KRT10: variants seen among roughly 807,000 people sequenced by gnomAD.
KRT10 encodes the protein keratin, type I cytoskeletal 10.
A neutral mutation model predicts 59.2 loss-of-function variants in KRT10; 40 were observed. The ratio of observed to expected loss-of-function variants is 0.68; its 90% CI spans 0.52 to 0.88. The LOEUF is 0.88. Ranked by LOEUF, KRT10 falls within the 40% of genes least tolerant of loss-of-function variation. The pLI is 0.00. For missense variants in KRT10, 719 were observed against 749.1 expected (o/e 0.96, Z 0.47); for synonymous variants, 336 against 310.7 (o/e 1.08, Z -0.86).
chr17:40,822,441 A>T lies in KRT10; in HGVS notation c.145T>A (p.Ser49Thr), dbSNP rs772718519. 4.3e-6 allele frequency: 7 copies of T among 1,613,710 alleles called. No homozygotes were observed. The highest frequency in any genetic ancestry group is 1.7e-5 in the Admixed American group (1 of 59,990). Residue 49 changes from serine (S) to threonine (T), a missense_variant, in exon 1 of 8, where the codon TCA becomes ACA. Ser to Thr is a moderately conservative substitution (Grantham distance 58). Transcript: ENST00000269576. Reference protein sequence around the residue: ...SKGSLGGGFSSGGFSGGSFSR... With the variant: ...SKGSLGGGFSTGGFSGGSFSR... ...AAAGAGCCACCACTGAACCCCCCTG[A>T]GCTAAATCCTCCACCAAGGGAGCCT...
In KRT10 at chr17:40,818,413, G is replaced by A. The variant is rs372649886; in HGVS notation, c.*63C>T. 1 of 1,611,046 alleles carries A rather than the reference G, an allele frequency of 6.2e-7. No homozygotes were observed. The highest frequency in any genetic ancestry group is 1.3e-5 in the African/African-American group (1 of 74,868). ...TTTCTTGGTTTCTGATTCAACCATA[G>A]ATGAAAGAACTCTACCGTCGGGCGC... On this transcript the variant is annotated 3_prime_UTR_variant, in exon 8 of 8. Transcript: ENST00000269576.
Position 40,820,445 on chromosome 17 carries a change from T to G in KRT10, c.868-22A>C. ...TTTCCTGTTTGAGGAACAGAAAGATTTATTGGCTACACGAGGACCATAATG... is the reference window on the plus strand; with the variant it reads ...TTTCCTGTTTGAGGAACAGAAAGATGTATTGGCTACACGAGGACCATAATG... On this transcript the variant is annotated intron_variant, in intron 3 of 7. Coordinates refer to ENST00000269576, the MANE Select transcript of KRT10 (RefSeq NM_000421.5). 3 of 1,614,168 alleles carry G rather than the reference T, an allele frequency of 1.9e-6. No individual in the cohort carries two copies. The South Asian group carries it at 3.3e-5, about 18-fold the overall frequency.
At position 40,819,008 on chromosome 17, in the gene KRT10, G is replaced by C; in HGVS notation, c.1527C>G (p.Ser509=). The change falls in exon 7 of 8, where the codon TCC becomes TCG. Residue 509 remains serine, a synonymous_variant. Coordinates refer to ENST00000269576, the MANE Select transcript of KRT10 (RefSeq NM_000421.5). ...YGGGSSGGGS[S]GGGYGGGSSS... ...AGCTTCCGCCCCCGTAGCCGCCGCCGGAGCTTCCGCCGCCGGAGCTTCCGC... is the reference window on the plus strand; with the variant it reads ...AGCTTCCGCCCCCGTAGCCGCCGCCCGAGCTTCCGCCGCCGGAGCTTCCGC... 7.8e-7 allele frequency: 1 copy of C among 1,286,770 alleles called. No individual in the cohort carries two copies. The highest frequency in any genetic ancestry group is 1.0e-6 in the Non-Finnish European group (1 of 994,194). The allele number at this position is 1,286,770 out of a possible 1,614,324, so 79.7% of individuals were successfully genotyped here. A position where few individuals can be genotyped will look rare whatever the true frequency, so the allele number is the denominator to read the frequency against.
chr17:40,818,996 G>A lies in KRT10; in HGVS notation c.1539C>T (p.Tyr513=), dbSNP rs772784673. The A allele has an allele frequency of 1.2e-5, 17 of 1,390,340 alleles. No homozygotes were observed. Among genetic ancestry groups the A allele is most frequent in the South Asian group, 3.1e-5 (2 of 64,066 alleles). 86.1% of individuals were successfully genotyped at this position (1,390,340 alleles called of 1,614,324 possible). ...GGCCGCCGCTGGAGCTTCCGCCCCC[G>A]TAGCCGCCGCCGGAGCTTCCGCCGC... ...SSGGGSSGGG[Y]GGGSSSGGHG... Residue 513 remains tyrosine, a synonymous_variant, in exon 7 of 8, where the codon TAC becomes TAT. Coordinates refer to ENST00000269576, the MANE Select transcript of KRT10 (RefSeq NM_000421.5).
In KRT10 at chr17:40,819,412, C is replaced by T. The variant is rs912717480; in HGVS notation, c.1373+105G>A. On this transcript the variant is annotated intron_variant, in intron 6 of 7. Coordinates refer to ENST00000269576, the MANE Select transcript of KRT10 (RefSeq NM_000421.5). ...CTTTTTCTGTACTCTACCCTCTCTC[C>T]TCCCTTCCTCTCATTCTCTGGCATC... 3.8e-6 allele frequency: 5 copies of T among 1,299,394 alleles called. No homozygotes were observed. In the Admixed American group the frequency reaches 5.3e-5, roughly 14 times the overall value. The allele number at this position is 1,299,394 out of a possible 1,614,324, so 80.5% of individuals were successfully genotyped here. A position where few individuals can be genotyped will look rare whatever the true frequency, so the allele number is the denominator to read the frequency against.
intron 1 of KRT10, 75 bp from the exon 2 acceptor site, chr17:40,821,192 T>C: frequency 2.0e-6 from 2 of 1,023,708 alleles, no homozygotes; most frequent in South Asian, 2.6e-5. Context: ...AGATGCACTC[T>C]GCACTTTTAT....
Position 40,818,911 on chromosome 17 carries a change from A to AGCCGCC in KRT10, c.1618_1623dup (p.Gly540_Gly541dup), listed in dbSNP as rs759327325. The AGCCGCC allele has an allele frequency of 3.0e-5, 38 of 1,246,284 alleles. No individual in the cohort carries two copies. The African/African-American group carries it at 5.3e-4, about 17-fold the overall frequency. 77.2% of individuals were successfully genotyped at this position (1,246,284 alleles called of 1,614,324 possible). ...CCGCCGCCGGAGCTGCCGCCCCCGT[A>AGCCGCC]GCCGCCGCCGCCGCCGCCGGAACTG... On this transcript the variant is annotated inframe_insertion, in exon 7 of 8. Coordinates refer to ENST00000269576, the MANE Select transcript of KRT10 (RefSeq NM_000421.5).
intron 7 of KRT10, 55 bp downstream of exon 7, chr17:40,818,732 A>G: frequency 5.0e-6 from 8 of 1,599,176 alleles, no homozygotes; most frequent in Non-Finnish European, 5.9e-6. Context: ...AGCGCAAAAA[A>G]ACCATCACAG....
chr17:40,819,924 T>A (rs1279141539), intron 5 of KRT10, 125 bp downstream of exon 5: 1 of 1,280,144 alleles, frequency 7.8e-7, no homozygotes, highest in African/African-American at 1.5e-5. Context: ...TCCATTAACA[T>A]GAGCTTCACT....
Position 40,821,954 on chromosome 17 carries a change from C to T in KRT10, c.627+5G>A. On this transcript the variant is annotated splice_donor_5th_base_variant and intron_variant, in intron 1 of 7. Transcript: ENST00000269576. ...CTTAAAGCTGGATTTAAAAATACCT[C>T]TTACCTGATTTTTAAGGTCATCGAT... 6.2e-7 allele frequency: 1 copy of T among 1,613,838 alleles called. No individual in the cohort carries two copies. Among genetic ancestry groups the T allele is most frequent in the Non-Finnish European group, 8.5e-7 (1 of 1,179,740 alleles).
At position 40,820,361 on chromosome 17, in the gene KRT10, C is replaced by T. The variant is rs771610197; in HGVS notation, c.930G>A (p.Pro310=). The change falls in exon 4 of 8, where the codon CCG becomes CCA. Residue 310 remains proline, a synonymous_variant. Coordinates refer to ENST00000269576, the MANE Select transcript of KRT10 (RefSeq NM_000421.5). ...TCAGAAGTTGAGTCAGATCAACACC[C>T]GGGGCAGCATTCATTTCCACATTCA... ...GDVNVEMNAA[P]GVDLTQLLNN... 9.9e-6 allele frequency: 16 copies of T among 1,614,072 alleles called. No homozygotes were observed. Among genetic ancestry groups the T allele is most frequent in the African/African-American group, 5.3e-5 (4 of 74,918 alleles).
At chr17:40,821,527 T>A (rs1409364346) in intron 1 of KRT10, among the ~76,000 whole-genome samples, 1 of 152,230 alleles carries the variant, frequency 6.6e-6, no homozygotes, top group Non-Finnish European at 1.5e-5. Flanking sequence ...ATTCAGAAAT[T>A]CCTTAGAGGC....
chr17:40,821,311 G>A (rs540685219), intron 1 of KRT10, among the ~76,000 whole-genome samples, 194 bp from the exon 2 acceptor site: 1 of 152,288 alleles, frequency 6.6e-6, no homozygotes, highest in South Asian at 2.1e-4. Context: ...AATTTCTCCA[G>A]TCTTGTATTT....
At position 40,820,074 on chromosome 17, in the gene KRT10, A is replaced by C; in HGVS notation, c.1130T>G (p.Ile377Arg). 1 of 1,613,224 alleles carries C rather than the reference A, an allele frequency of 6.2e-7. No homozygotes were observed. The highest frequency in any genetic ancestry group is 8.5e-7 in the Non-Finnish European group (1 of 1,179,984). ...ELRRNVQALE[I>R]ELQSQLALKQ... ...CAAGGCCAGTTGGGACTGTAGTTCT[A>C]TCTCCAGAGCTTGTACATTACGTCT... The change falls in exon 5 of 8, where the codon ATA becomes AGA. Residue 377 changes from isoleucine to arginine, a missense_variant. By Grantham distance (97) the Ile-to-Arg change is moderately conservative. Transcript: ENST00000269576.
Position 40,818,420 on chromosome 17 carries a change from G to T in KRT10, c.*56C>A, listed in dbSNP as rs1425344080. 2 of 1,612,336 alleles carry T rather than the reference G, an allele frequency of 1.2e-6. No individual in the cohort carries two copies. Among genetic ancestry groups the T allele is most frequent in the African/African-American group, 2.7e-5 (2 of 74,918 alleles). Reference sequence around the variant, plus strand: ...GTTTCTGATTCAACCATAGATGAAAGAACTCTACCGTCGGGCGCCACCTCT... The same window carrying T: ...GTTTCTGATTCAACCATAGATGAAATAACTCTACCGTCGGGCGCCACCTCT... On this transcript the variant is annotated 3_prime_UTR_variant, in exon 8 of 8. Transcript: ENST00000269576.
rs748530852 is a variant in KRT10, at chr17:40,820,218, T to C, written c.1029+44A>G. 7.4e-5 allele frequency: 119 copies of C among 1,614,084 alleles called. No homozygotes were observed. In the South Asian group the frequency reaches 1.3e-3, roughly 17 times the overall value. On this transcript the variant is annotated intron_variant, in intron 4 of 7. Coordinates refer to ENST00000269576, the MANE Select transcript of KRT10 (RefSeq NM_000421.5). ...GGAAAAGGGTGAGGAAATTCTGAAATGATAAAACCTCCATGAGTTTCACTA... is the reference window on the plus strand; with the variant it reads ...GGAAAAGGGTGAGGAAATTCTGAAACGATAAAACCTCCATGAGTTTCACTA...
At chr17:40,819,284 A>G in intron 6 of KRT10, 123 bp from the exon 7 acceptor site, 3 of 1,541,718 alleles carry the variant, frequency 1.9e-6, no homozygotes, top group South Asian at 1.2e-5. Context: ...TGCCAGGTAT[A>G]TATTTTAAAA....
At position 40,820,369 on chromosome 17, in the gene KRT10, C is replaced by T; in HGVS notation, c.922G>A (p.Ala308Thr). ...TGAGTCAGATCAACACCCGGGGCAGCATTCATTTCCACATTCACATCACCA... is the reference window on the plus strand; with the variant it reads ...TGAGTCAGATCAACACCCGGGGCAGTATTCATTTCCACATTCACATCACCA... ...STGDVNVEMN[A>T]APGVDLTQLL... Residue 308 changes from alanine to threonine, a missense_variant, in exon 4 of 8, where the codon GCT becomes ACT. Physicochemically the swap from Ala to Thr is moderately conservative, Grantham distance 58. Transcript: ENST00000269576. The T allele has an allele frequency of 1.2e-6, 2 of 1,614,220 alleles. No individual in the cohort carries two copies. The highest frequency in any genetic ancestry group is 1.7e-6 in the Non-Finnish European group (2 of 1,180,034).
rs747712277 is a variant in KRT10 at position 40,818,990 on chromosome 17, G to T, written c.1545C>A (p.Gly515=). ...GGGSSGGGYG[G]GSSSGGHGGS... is the part of the protein sequence containing the mutation. ...CGCCGTGGCCGCCGCTGGAGCTTCC[G>T]CCCCCGTAGCCGCCGCCGGAGCTTC... Residue 515 remains glycine, a synonymous_variant, in exon 7 of 8, where the codon GGC becomes GGA. Coordinates refer to ENST00000269576, the MANE Select transcript of KRT10 (RefSeq NM_000421.5). 13 of 1,379,690 alleles carry T rather than the reference G, an allele frequency of 9.4e-6. No individual in the cohort carries two copies. The highest frequency in any genetic ancestry group is 1.2e-5 in the Non-Finnish European group (13 of 1,065,808). The allele number at this position is 1,379,690 out of a possible 1,614,324, so 85.5% of individuals were successfully genotyped here.
Sources: allele counts gnomAD v4.1 joint callset (sites outside exome capture counted in the v4.1 genomes callset), GRCh38; gene constraint gnomAD v4.1.1; transcripts MANE v1.5; gene names NCBI Gene and HGNC (gene_info 2026-07-23, HGNC 2026-07-21).